SLC23A1: variants seen among roughly 807,000 people sequenced by gnomAD.
SLC23A1 encodes the protein Na(+)/L-ascorbic acid transporter 1.
A neutral mutation model predicts 62.5 loss-of-function variants in SLC23A1; 31 were observed. That is an observed-to-expected ratio of 0.50 (90% CI 0.37 to 0.67). The LOEUF is 0.67. Ranked by LOEUF, SLC23A1 falls within the 30% of genes least tolerant of loss-of-function variation. SLC23A1 has a pLI of 0.00. For missense variants in SLC23A1, 640 were observed against 782.7 expected, an observed-to-expected ratio of 0.82 and a Z score of 2.18; for synonymous variants, 271 against 313.2, an observed-to-expected ratio of 0.87 and a Z score of 1.42.
At position 139,380,358 on chromosome 5, in the gene SLC23A1, A is replaced by G. The variant is rs1428735725; in HGVS notation, c.497T>C (p.Val166Ala). The change falls in exon 6 of 15, where the codon GTG becomes GCG. Residue 166 changes from valine (V) to alanine (A), a missense_variant. Val to Ala is a moderately conservative substitution (Grantham distance 64). Coordinates refer to ENST00000348729, the MANE Select transcript of SLC23A1 (RefSeq NM_005847.5). ...VQGAIMVSSV[V>A]EVVIGLLGLP... is the part of the protein sequence containing the mutation. ...CCCCAGCAGGCCAATCACCACCTCCACCACGCTGGACACCATGATTGCACC... is the reference window on the plus strand; with the variant it reads ...CCCCAGCAGGCCAATCACCACCTCCGCCACGCTGGACACCATGATTGCACC... The G allele has an allele frequency of 1.2e-6, 2 of 1,612,912 alleles. No individual in the cohort carries two copies. The highest frequency in any genetic ancestry group is 1.7e-5 in the Admixed American group (1 of 59,776).
At chr5:139,369,337 A>G (rs373292767) in intron 14 of SLC23A1, 1 of 152,844 alleles carries the variant, frequency 6.5e-6, no homozygotes, top group South Asian at 2.1e-4. Context: ...CTTTTCTGGT[A>G]TGTTATTGTT....
rs886399973 is a variant in SLC23A1, at chr5:139,378,400, G to T, written c.1180-49C>A. 2 of 1,542,634 alleles carry T rather than the reference G, an allele frequency of 1.3e-6. No homozygotes were observed. The highest frequency in any genetic ancestry group is 1.8e-6 in the Non-Finnish European group (2 of 1,142,560). On this transcript the variant is annotated intron_variant, in intron 10 of 14. Coordinates refer to ENST00000348729, the MANE Select transcript of SLC23A1 (RefSeq NM_005847.5). The surrounding 1 kb of genome is among the most constrained non-coding windows in gnomAD (Gnocchi z 4.5). ...CTAGACCTGGGGACGAGGCTGGGGC[G>T]GGGTTAGTTCCAGGGGCGGGGCCTG...
chr5:139,372,316 TA>T, intron 13 of SLC23A1, 63 bp from the exon 14 acceptor site: 1 of 1,510,522 alleles, frequency 6.6e-7, no homozygotes, highest in Admixed American at 1.8e-5. Flanking sequence ...CCACTTCCCA[TA>T]ACCCAGTCCT....
chr5:139,372,791 G>A (rs1182562292), intron 13 of SLC23A1, among the ~76,000 whole-genome samples: 4 of 152,124 alleles, frequency 2.6e-5, no homozygotes, highest in Admixed American at 6.5e-5. Flanking sequence ...CACTATGTTG[G>A]TCAGGCTGGT....
chr5:139,384,216 C>T (rs777796787), upstream of SLC23A1: 33 of 640,588 alleles, frequency 5.2e-5, no homozygotes, highest in Non-Finnish European at 7.2e-5. Context: ...CCCAGCCTGG[C>T]CCTAGGGCCT....
chr5:139,383,773 T>C (rs1303110483), upstream of SLC23A1, among the ~76,000 whole-genome samples: 1 of 152,234 alleles, frequency 6.6e-6, no homozygotes, highest in Non-Finnish European at 1.5e-5. Flanking sequence ...TATTAACCCC[T>C]TTAACAGCGA....
At chr5:139,369,117 A>G (rs1757489996) in intron 14 of SLC23A1, 1 of 200,440 alleles carries the variant, frequency 5.0e-6, no homozygotes. Context: ...CTAATCTATC[A>G]CTTGTTAATG....
Position 139,380,297 on chromosome 5 carries a change from G to C in SLC23A1, c.558C>G (p.Leu186=), listed in dbSNP as rs772739654. ...PGALLNYIGP[L]TVTPTVSLIG... ...TGAGGGAGACAGTGGGGGTGACTGT[G>C]AGAGGCCCAATGTAGTTGAGCAGGG... is the stretch of plus-strand genomic sequence containing the variant. The change falls in exon 6 of 15, where the codon CTC becomes CTG. Residue 186 remains leucine, a synonymous_variant. Coordinates refer to ENST00000348729, the MANE Select transcript of SLC23A1 (RefSeq NM_005847.5). 5 of 1,601,930 alleles carry C rather than the reference G, an allele frequency of 3.1e-6. No homozygotes were observed. The South Asian group carries it at 5.6e-5, about 18-fold the overall frequency.
chr5:139,368,686 C>A, intron 14 of SLC23A1: 1 of 1,311,416 alleles, frequency 7.6e-7, no homozygotes, highest in Middle Eastern at 1.8e-4. Flanking sequence ...GAATTAGTAC[C>A]TGAAACTGTG....
rs1307193114 is a variant in SLC23A1, at chr5:139,380,631, C to T, written c.399G>A (p.Glu133=). 31 of 1,612,520 alleles carry T rather than the reference C, an allele frequency of 1.9e-5. No individual in the cohort carries two copies. Among genetic ancestry groups the T allele is most frequent in the Non-Finnish European group, 2.5e-5 (29 of 1,178,636 alleles). ...ALERWKCPPE[E]EIYGNWSLPL... Reference sequence around the variant, plus strand: ...GCAGACTCCAGTTACCGTAGATCTCCTCTGGGGGTAGAGTCAGGGATACAC... The same window carrying T: ...GCAGACTCCAGTTACCGTAGATCTCTTCTGGGGGTAGAGTCAGGGATACAC... The change falls in exon 5 of 15, where the codon GAG becomes GAA. Residue 133 remains glutamate, a splice_region_variant and synonymous_variant. Transcript: ENST00000348729.
intron 14 of SLC23A1, among the ~76,000 whole-genome samples, chr5:139,370,361 G>A (rs1006869617): frequency 3.3e-5 from 5 of 152,092 alleles, no homozygotes; most frequent in Admixed American, 6.5e-5. Context: ...AGTAGAGACC[G>A]AGTTTCACCA....
At chr5:139,371,619 C>G (rs1385422058) in intron 14 of SLC23A1, among the ~76,000 whole-genome samples, 1 of 152,226 alleles carries the variant, frequency 6.6e-6, no homozygotes, top group Non-Finnish European at 1.5e-5. Flanking sequence ...TGTCGCATAT[C>G]AAAGTGATAC....
intron 1 of SLC23A1, 68 bp downstream of exon 1, chr5:139,383,150 G>A (rs978482905): frequency 5.2e-5 from 29 of 562,666 alleles, no homozygotes; most frequent in Non-Finnish European, 6.3e-5. Context: ...CAGGAAGAAG[G>A]CCTGCACAGG....
chr5:139,367,997 A>G (rs1462002478), intron 14 of SLC23A1, among the ~76,000 whole-genome samples: 1 of 151,674 alleles, frequency 6.6e-6, no homozygotes, highest in Non-Finnish European at 1.5e-5. Context: ...AGGTCAGATC[A>G]ACACCATCCT....
chr5:139,370,304 A>C (rs772150556), intron 14 of SLC23A1, among the ~76,000 whole-genome samples: 5 of 151,908 alleles, frequency 3.3e-5, no homozygotes, highest in Non-Finnish European at 7.4e-5. Flanking sequence ...CCAAATAGCT[A>C]GGATTACAGT....
chr5:139,384,430 G>A, upstream of SLC23A1: 6 of 1,289,770 alleles, frequency 4.7e-6, no homozygotes, highest in Non-Finnish European at 6.1e-6. Flanking sequence ...CAGCTGGGCA[G>A]CAGCTTCATG....
At chr5:139,371,524 T>A (rs1270643244) in intron 14 of SLC23A1, among the ~76,000 whole-genome samples, 1 of 152,210 alleles carries the variant, frequency 6.6e-6, no homozygotes, top group African/African-American at 2.4e-5. Context: ...TTTAAAGGGT[T>A]TTAATTTTAT....
At chr5:139,374,180 T>A (rs1757828369) in intron 13 of SLC23A1, among the ~76,000 whole-genome samples, 1 of 152,242 alleles carries the variant, frequency 6.6e-6, no homozygotes, top group Non-Finnish European at 1.5e-5. Context: ...AGTGTCTGAT[T>A]CAGGGCCAAG....
chr5:139,381,538 G>A (rs1299940255), intron 3 of SLC23A1, among the ~76,000 whole-genome samples: 2 of 151,312 alleles, frequency 1.3e-5, no homozygotes, highest in Non-Finnish European at 2.9e-5. Context: ...GCTTGAACCC[G>A]GGAGGTGGTG....
Sources: gnomAD v4.1 joint callset for allele counts (sites outside exome capture counted in the v4.1 genomes callset) on GRCh38, gnomAD v4.1.1 for gene constraint, Gnocchi (gnomAD v3.1) non-coding constraint, MANE v1.5 for transcripts, NCBI Gene and HGNC (gene_info 2026-07-23, HGNC 2026-07-21) for gene names.